ANKRD36C: variants seen among roughly 807,000 people sequenced by gnomAD.
The protein encoded by ANKRD36C is ankyrin repeat domain-containing protein 36C.
In ANKRD36C, 61 loss-of-function variants were observed where a neutral mutation model predicts 276.4. The observed-to-expected ratio is 0.22, with a 90% confidence interval of 0.18 to 0.27. ANKRD36C has a LOEUF of 0.27. Among genes scored for constraint, ANKRD36C ranks in the 10% least tolerant of loss-of-function variants. ANKRD36C has a pLI of 1.00. For synonymous variants in ANKRD36C, 483 were observed against 680.1 expected, an observed-to-expected ratio of 0.71 and a Z score of 4.51; for missense variants, 1,447 against 2,032.3, an observed-to-expected ratio of 0.71 and a Z score of 5.54.
intron 42 of ANKRD36C, 44 bp downstream of exon 46, chr2:95,910,329 T>A (rs776775413): frequency 2.0e-6 from 3 of 1,506,578 alleles, no homozygotes; most frequent in Non-Finnish European, 1.8e-6. Context: ...GAACTTCTTA[T>A]CTATCTGGAC....
intron 59 of ANKRD36C, among the ~76,000 whole-genome samples, chr2:95,869,869 C>T (rs545470566): frequency 2.9e-4 from 44 of 152,350 alleles, no homozygotes; most frequent in Admixed American, 1.8e-3. Context: ...TATCCTGCAC[C>T]TGGCTCAGAG....
intron 46 of ANKRD36C, 135 bp from the exon 67 acceptor site, chr2:95,890,129 C>A (rs192772037): frequency 8.3e-6 from 10 of 1,205,070 alleles, no homozygotes; most frequent in African/African-American, 1.5e-5. Flanking sequence ...TATATTGTGT[C>A]GGGGACAAGA....
At chr2:95,964,228 C>T (rs561277886) in intron 6 of ANKRD36C, among the ~76,000 whole-genome samples, 1 of 150,316 alleles carries the variant, frequency 6.7e-6, no homozygotes, top group Admixed American at 6.7e-5. Context: ...ACCCAATATG[C>T]TAACTGATGT....
chr2:95,891,633 G>C (rs765235909), intron 46 of ANKRD36C, 32 bp downstream of exon 66: 27 of 1,541,092 alleles, frequency 1.8e-5, no homozygotes, highest in Middle Eastern at 2.3e-4. Context: ...TATCTGCACT[G>C]AACATGACAT....
At position 95,947,260 on chromosome 2, in the gene ANKRD36C, A is replaced by T. The variant is rs559172460; in HGVS notation, c.1362+1270T>A. 3.9e-5 allele frequency among the ~76,000 whole-genome samples: 6 copies of T among 152,106 alleles called. No individual in the cohort carries two copies. The South Asian group carries it at 1.2e-3, about 32-fold the overall frequency. On this transcript the variant is annotated intron_variant, in intron 17 of 66. Coordinates refer to ENST00000456556, the Ensembl canonical transcript of ANKRD36C. ...ATAACATATTTTCTCAGGATAACTCACCTCAACTTATAGATTCTCAACATT... is the reference window on the plus strand; with the variant it reads ...ATAACATATTTTCTCAGGATAACTCTCCTCAACTTATAGATTCTCAACATT...
At chr2:95,894,632 T>A (rs1452296617) in intron 44 of ANKRD36C, among the ~76,000 whole-genome samples, 1 of 151,528 alleles carries the variant, frequency 6.6e-6, no homozygotes, top group East Asian at 2.0e-4. Context: ...AGCTATTTTA[T>A]ACAAGAGGTA....
chr2:95,859,039 C>CTT (rs1553396938), intron 61 of ANKRD36C, among the ~76,000 whole-genome samples: 2 of 145,994 alleles, frequency 1.4e-5, no homozygotes, highest in Non-Finnish European at 1.5e-5. Context: ...AAACTGGATA[C>CTT]TTTTTTTTTT....
intron 1 of ANKRD36C, among the ~76,000 whole-genome samples, chr2:95,987,863 G>A (rs1211268487): frequency 6.6e-6 from 1 of 151,808 alleles, no homozygotes; most frequent in African/African-American, 2.4e-5. Context: ...AAGATTAGAT[G>A]TATCGTTGTA....
intron 61 of ANKRD36C, among the ~76,000 whole-genome samples, chr2:95,859,102 C>T (rs75224525): frequency 6.6e-6 from 1 of 151,602 alleles, no homozygotes; most frequent in Non-Finnish European, 1.5e-5. Flanking sequence ...GGTGCAATCT[C>T]TGCTCACTGC....
intron 42 of ANKRD36C, 105 bp downstream of exon 48, chr2:95,908,397 A>T (rs1020639186): frequency 1.6e-4 from 188 of 1,200,486 alleles, no homozygotes; most frequent in Non-Finnish European, 2.0e-4. Flanking sequence ...AGGACTGCTG[A>T]ATCAGAATGT....
intron 38 of ANKRD36C, among the ~76,000 whole-genome samples, chr2:95,914,556 C>T (rs1477608195): frequency 2.6e-5 from 4 of 151,316 alleles, no homozygotes; most frequent in Admixed American, 2.6e-4. Context: ...AAAATAAAAC[C>T]GTGTCAATCT....
chr2:95,868,879 T>A (rs1264138884), intron 59 of ANKRD36C, among the ~76,000 whole-genome samples: 2 of 152,290 alleles, frequency 1.3e-5, no homozygotes, highest in Non-Finnish European at 2.9e-5. Flanking sequence ...CTTTAACTTA[T>A]TTGTGATGAA....
chr2:95,918,614 T>C (rs1047660028), intron 34 of ANKRD36C, among the ~76,000 whole-genome samples: 2 of 151,698 alleles, frequency 1.3e-5, no homozygotes, highest in Non-Finnish European at 3.0e-5. Flanking sequence ...ATATTCATTA[T>C]CTCTCACACC....
At chr2:95,850,968 T>C (rs1261743118), downstream of ANKRD36C, among the ~76,000 whole-genome samples, 1 of 152,190 alleles carries the variant, frequency 6.6e-6, no homozygotes, top group African/African-American at 2.4e-5. Context: ...CTATGGAACA[T>C]GATGAATTAA....
Position 95,962,438 on chromosome 2 carries a change from G to C in ANKRD36C, c.829-14C>G. 6.3e-7 allele frequency: 1 copy of C among 1,580,444 alleles called. No individual in the cohort carries two copies. Among genetic ancestry groups the C allele is most frequent in the Non-Finnish European group, 8.6e-7 (1 of 1,164,188 alleles). ...GCCACTTGTAGCCTGAGTGGGATTT[G>C]AAACAAAATAATCAATACGTAAAGT... is the stretch of plus-strand genomic sequence containing the variant. On this transcript the variant is annotated splice_polypyrimidine_tract_variant and intron_variant, in intron 7 of 66. Coordinates refer to ENST00000456556, the Ensembl canonical transcript of ANKRD36C.
At position 95,953,922 on chromosome 2, in the gene ANKRD36C, A is replaced by T; in HGVS notation, c.1203+17T>A. The T allele has an allele frequency of 6.6e-7, 1 of 1,517,378 alleles. No individual in the cohort carries two copies. The highest frequency in any genetic ancestry group is 2.5e-5 in the East Asian group (1 of 40,456). 94.0% of individuals were successfully genotyped at this position (1,517,378 alleles called of 1,614,324 possible). On this transcript the variant is annotated intron_variant, in intron 14 of 66. Transcript: ENST00000456556. Reference sequence around the variant, plus strand: ...GATTCAGAGTGAGAAAATTAATTTCACAAGAGAGTACTCTACCTCAGATTC... The same window carrying T: ...GATTCAGAGTGAGAAAATTAATTTCTCAAGAGAGTACTCTACCTCAGATTC...
chr2:95,858,724 T>A, intron 61 of ANKRD36C, among the ~76,000 whole-genome samples: 1 of 152,210 alleles, frequency 6.6e-6, no homozygotes. Context: ...GAAACATATA[T>A]CAGCAGATTA....
chr2:95,878,511 T>C lies in ANKRD36C; in HGVS notation c.3469+1916A>G, dbSNP rs900115343. On this transcript the variant is annotated intron_variant, in intron 58 of 66. Coordinates refer to ENST00000456556, the Ensembl canonical transcript of ANKRD36C. ...TGATTAACTAATATCAACACTTCTATATAACTCTCATAAATTATTCCCACC... is the reference window on the plus strand; with the variant it reads ...TGATTAACTAATATCAACACTTCTACATAACTCTCATAAATTATTCCCACC... Among the ~76,000 whole-genome samples the C allele has an allele frequency of 2.0e-4, 30 of 152,220 alleles. 1 individual carries two copies. The highest frequency in any genetic ancestry group is 7.0e-4 in the African/African-American group (29 of 41,466).
intron 34 of ANKRD36C, among the ~76,000 whole-genome samples, chr2:95,921,385 C>T (rs898818600): frequency 4.6e-5 from 7 of 151,574 alleles, no homozygotes; most frequent in African/African-American, 1.7e-4. Context: ...TTCCCAATTT[C>T]AACGTGGGGA....
Sources: allele counts gnomAD v4.1 joint callset (sites outside exome capture counted in the v4.1 genomes callset), GRCh38; gene constraint gnomAD v4.1.1; transcripts MANE v1.5; gene names NCBI Gene and HGNC (gene_info 2026-07-23, HGNC 2026-07-21).